NFASC: variants seen among roughly 807,000 people sequenced by gnomAD.
NFASC encodes neurofascin homolog.
In NFASC, 43 loss-of-function variants were observed where a neutral mutation model predicts 147.5. The ratio of observed to expected loss-of-function variants is 0.29; its 90% CI spans 0.23 to 0.38. NFASC has a LOEUF of 0.38. Among genes scored for constraint, NFASC ranks in the 10% least tolerant of loss-of-function variants. The pLI, the probability that NFASC is intolerant of heterozygous loss-of-function variation, is 1.00. For missense variants in NFASC, 1,320 were observed against 1,689.0 expected (o/e 0.78, Z 3.83); for synonymous variants, 622 against 665.5 (o/e 0.93, Z 1.01).
chr1:204,965,401 A>G (rs915684414), intron 8 of NFASC, among the ~76,000 whole-genome samples: 3 of 152,182 alleles, frequency 2.0e-5, no homozygotes, highest in Non-Finnish European at 2.9e-5. Flanking sequence ...AGATTTTCAT[A>G]TGAGTTCCTC....
chr1:204,991,567 A>G (rs114456568), intron 24 of NFASC, among the ~76,000 whole-genome samples: 148 of 152,250 alleles, frequency 9.7e-4, no homozygotes, highest in Non-Finnish European at 1.7e-3. Flanking sequence ...TCACACACAC[A>G]CCGGCCCTGA....
intron 1 of NFASC, among the ~76,000 whole-genome samples, chr1:204,861,870 G>GA (rs1310056616): frequency 1.3e-5 from 2 of 152,198 alleles, no homozygotes; most frequent in Non-Finnish European, 2.9e-5. Flanking sequence ...CCAGACTCAT[G>GA]AACTTTGGCA....
At chr1:204,973,253 G>A (rs1163868267) in intron 11 of NFASC, 23 bp from the exon 12 acceptor site, 2 of 1,613,492 alleles carry the variant, frequency 1.2e-6, no homozygotes, top group South Asian at 1.1e-5. Flanking sequence ...CTCTCATGAG[G>A]AGCGTCTCTT....
In NFASC at chr1:204,848,414, C is replaced by T. The variant is rs911941250; in HGVS notation, c.-200+19632C>T. Among the ~76,000 whole-genome samples the T allele has an allele frequency of 3.8e-4, 57 of 151,990 alleles. 1 individual carries two copies. The highest frequency in any genetic ancestry group is 3.2e-3 in the Admixed American group (49 of 15,250). On this transcript the variant is annotated intron_variant, in intron 1 of 29. Coordinates refer to ENST00000339876, the MANE Select transcript of NFASC (RefSeq NM_001005388.3). ...TTAGCTAATTATTTTTTTTAAGAGA[C>T]GGGATCTCCCTATATTGCTCAGGCT...
intron 1 of NFASC, among the ~76,000 whole-genome samples, chr1:204,893,109 G>A (rs2082718368): frequency 6.6e-6 from 1 of 152,230 alleles, no homozygotes; most frequent in Admixed American, 6.5e-5. Context: ...AAATATAGGA[G>A]TTGGGTGTGG....
chr1:204,911,242 C>G (rs562479383), intron 1 of NFASC, among the ~76,000 whole-genome samples: 1 of 152,300 alleles, frequency 6.6e-6, no homozygotes, highest in Non-Finnish European at 1.5e-5. Flanking sequence ...GTAGATTATA[C>G]TGATGAGTTT....
At chr1:204,974,875 G>A in intron 14 of NFASC, 52 bp downstream of exon 14, 1 of 1,557,280 alleles carries the variant, frequency 6.4e-7, no homozygotes, top group Non-Finnish European at 8.9e-7. Flanking sequence ...AGGAGGCCAT[G>A]CTGGCAGTTA....
chr1:204,867,691 C>T (rs1212083083), intron 1 of NFASC, among the ~76,000 whole-genome samples: 3 of 152,190 alleles, frequency 2.0e-5, no homozygotes, highest in Non-Finnish European at 4.4e-5. Flanking sequence ...AACATGCTCA[C>T]ACTCACTGAA....
chr1:204,843,348 A>G (rs12563611), intron 1 of NFASC, among the ~76,000 whole-genome samples: 33,037 of 152,100 alleles, frequency 0.22, 5,438 homozygotes, highest in East Asian at 0.53. Flanking sequence ...GATCCTATGT[A>G]CCTTTATGCA....
intron 1 of NFASC, among the ~76,000 whole-genome samples, chr1:204,858,826 T>C (rs543219769): frequency 6.6e-6 from 1 of 152,228 alleles, no homozygotes; most frequent in South Asian, 2.1e-4. Flanking sequence ...ACCCTGACTC[T>C]TCTTTCTGGA....
At chr1:204,881,458 G>A (rs189559695) in intron 1 of NFASC, among the ~76,000 whole-genome samples, 1 of 152,348 alleles carries the variant, frequency 6.6e-6, no homozygotes, top group East Asian at 1.9e-4. Context: ...GCTAATGCTA[G>A]TAGTTCCTCT....
At chr1:204,891,170 G>C (rs1273430709) in intron 1 of NFASC, among the ~76,000 whole-genome samples, 1 of 152,184 alleles carries the variant, frequency 6.6e-6, no homozygotes, top group Non-Finnish European at 1.5e-5. Flanking sequence ...CTCGGGCAAG[G>C]CTTATGTGTT....
chr1:204,911,614 A>G (rs1239179779), intron 1 of NFASC, among the ~76,000 whole-genome samples: 3 of 152,096 alleles, frequency 2.0e-5, no homozygotes, highest in East Asian at 1.9e-4. Context: ...TGCACTATCT[A>G]TGTCTGGTTT....
At chr1:204,917,717 A>AGTCTTTGACACGACTCTACTG (rs1341831347) in intron 1 of NFASC, among the ~76,000 whole-genome samples, 20 of 152,228 alleles carry the variant, frequency 1.3e-4, no homozygotes, top group African/African-American at 3.6e-4. Context: ...TGACTCTACT[A>AGTCTTTGACACGACTCTACTG]GTCTTTGACA....
At chr1:204,852,702 C>T (rs905076330) in intron 1 of NFASC, among the ~76,000 whole-genome samples, 10 of 152,182 alleles carry the variant, frequency 6.6e-5, no homozygotes, top group African/African-American at 2.4e-4. Flanking sequence ...TCCTCTCCTA[C>T]CAGCTGAGTT....
At chr1:204,965,825 G>A (rs2094919748) in intron 8 of NFASC, among the ~76,000 whole-genome samples, 1 of 152,248 alleles carries the variant, frequency 6.6e-6, no homozygotes, top group African/African-American at 2.4e-5. Flanking sequence ...GCAATGTAGA[G>A]TGGGTGGAAA....
intron 27 of NFASC, among the ~76,000 whole-genome samples, chr1:205,004,622 C>T (rs2096067849): frequency 2.0e-5 from 3 of 152,192 alleles, no homozygotes; most frequent in Non-Finnish European, 1.5e-5. Context: ...GGGTGTGTGT[C>T]GATATCCTTC....
intron 24 of NFASC, among the ~76,000 whole-genome samples, chr1:204,996,251 G>A (rs972657048): frequency 6.6e-6 from 1 of 152,140 alleles, no homozygotes; most frequent in Non-Finnish European, 1.5e-5. Flanking sequence ...GAACAATTCT[G>A]TGCCCCATGA....
intron 27 of NFASC, chr1:205,008,628 T>C (rs2595969): frequency 0.39 from 59,323 of 152,202 alleles, 12,763 homozygotes; most frequent in Non-Finnish European, 0.5. Flanking sequence ...AGCCATTGGG[T>C]CATCAAGGAC....
Sources: allele counts gnomAD v4.1 joint callset (sites outside exome capture counted in the v4.1 genomes callset), GRCh38; gene constraint gnomAD v4.1.1; transcripts MANE v1.5; gene names NCBI Gene and HGNC (gene_info 2026-07-23, HGNC 2026-07-21).